UTP23: variants seen among roughly 807,000 people sequenced by gnomAD.
UTP23 encodes the protein UTP23 small subunit processome component, also known as rRNA-processing protein UTP23 homolog.
In UTP23, 10 loss-of-function variants were observed where a neutral mutation model predicts 19.8. The ratio of observed to expected loss-of-function variants is 0.50; its 90% CI spans 0.31 to 0.86. UTP23 has a LOEUF of 0.86. UTP23 is among the 40% of genes least tolerant of loss of function. The pLI is 0.05. For missense variants in UTP23, 282 were observed against 293.1 expected, an observed-to-expected ratio of 0.96 and a Z score of 0.28; for synonymous variants, 108 against 105.4, an observed-to-expected ratio of 1.02 and a Z score of -0.15.
At position 116,766,792 on chromosome 8, in the gene UTP23, G is replaced by T. The variant is rs1323277494; in HGVS notation, c.188+1G>T. The T allele has an allele frequency of 6.5e-7, 1 of 1,541,180 alleles. No individual in the cohort carries two copies. Among genetic ancestry groups the T allele is most frequent in the Admixed American group, 2.1e-5 (1 of 48,132 alleles). ...GGGAGACGCAGCTGTGCACCACAAG[G>T]TGGGCCCGGGGGGCTGGGGAGGAGG... On this transcript the variant is annotated splice_donor_variant, in intron 1 of 2. Coordinates refer to ENST00000309822, the MANE Select transcript of UTP23 (RefSeq NM_032334.3). LOFTEE classifies it high-confidence loss of function.
Position 116,773,985 on chromosome 8 carries a change from C to T in UTP23, c.*2143C>T. 1.0e-6 allele frequency: 1 copy of T among 985,226 alleles called. No homozygotes were observed. The highest frequency in any genetic ancestry group is 1.2e-6 in the Non-Finnish European group (1 of 829,886). 61.0% of individuals were successfully genotyped at this position (985,226 alleles called of 1,614,324 possible). On this transcript the variant is annotated 3_prime_UTR_variant, in exon 3 of 3. Transcript: ENST00000309822. ...ACCCCTAAAACCTCAGAATTATTTG[C>T]TTTATTTTTTCATACAACTTGGGGA...
Position 116,772,988 on chromosome 8 carries a change from G to A in UTP23, c.*1146G>A. The A allele has an allele frequency of 1.0e-6, 1 of 985,424 alleles. No individual in the cohort carries two copies. Among genetic ancestry groups the A allele is most frequent in the Non-Finnish European group, 1.2e-6 (1 of 829,924 alleles). The allele number at this position is 985,424 out of a possible 1,614,324, so 61.0% of individuals were successfully genotyped here. A position where few individuals can be genotyped will look rare whatever the true frequency, so the allele number is the denominator to read the frequency against. On this transcript the variant is annotated 3_prime_UTR_variant, in exon 3 of 3. Coordinates refer to ENST00000309822, the MANE Select transcript of UTP23 (RefSeq NM_032334.3). ...CAGTCTAACATTAGGTTATCATGAT[G>A]ACGTATGAGTAAATTCTTAATGGTT...
rs1411147947 is a variant in UTP23, at chr8:116,774,638, G to A, written c.*2796G>A. The A allele has an allele frequency of 1.3e-6, 1 of 782,334 alleles. No homozygotes were observed. The highest frequency in any genetic ancestry group is 1.5e-6 in the Non-Finnish European group (1 of 646,782). 48.5% of individuals were successfully genotyped at this position (782,334 alleles called of 1,614,324 possible). ...ATATATTCCATACGGGAATATATTA[G>A]TCATTGATGTATTTTGCCGGTAAAA... On this transcript the variant is annotated 3_prime_UTR_variant, in exon 3 of 3. Coordinates refer to ENST00000309822, the MANE Select transcript of UTP23 (RefSeq NM_032334.3).
chr8:116,770,058 T>C, intron 1 of UTP23, 134 bp from the exon 2 acceptor site: 1 of 851,670 alleles, frequency 1.2e-6, no homozygotes, highest in South Asian at 2.4e-5. Context: ...TCAAGTGATC[T>C]TTTAAAGTAA....
intron 1 of UTP23, 73 bp downstream of exon 1, chr8:116,766,864 G>A: frequency 7.3e-7 from 1 of 1,376,940 alleles, no homozygotes; most frequent in Non-Finnish European, 9.6e-7. Flanking sequence ...GTTGCTCACA[G>A]ACCTTCATTG....
intron 1 of UTP23, among the ~76,000 whole-genome samples, chr8:116,768,575 T>G (rs1815614024): frequency 6.6e-6 from 1 of 152,238 alleles, no homozygotes. Flanking sequence ...TTCTTTGGCA[T>G]GTATCTTGAA....
chr8:116,768,053 C>T (rs1177095285), intron 1 of UTP23, among the ~76,000 whole-genome samples: 6 of 152,166 alleles, frequency 3.9e-5, no homozygotes, highest in African/African-American at 1.4e-4. Flanking sequence ...AAACCCCCAT[C>T]TCTAACTACA....
intron 1 of UTP23, 91 bp downstream of exon 1, chr8:116,766,882 A>G: frequency 7.7e-7 from 1 of 1,306,004 alleles, no homozygotes; most frequent in Non-Finnish European, 1.0e-6. Flanking sequence ...TTGCGAGCTC[A>G]GGAGGTGCAA....
rs754484396 is a variant in UTP23 at position 116,770,367 on chromosome 8, G to T, written c.363+1G>T. 2 of 1,600,032 alleles carry T rather than the reference G, an allele frequency of 1.2e-6. No individual in the cohort carries two copies. The highest frequency in any genetic ancestry group is 2.7e-5 in the African/African-American group (2 of 74,868). On this transcript the variant is annotated splice_donor_variant, in intron 2 of 2. Transcript: ENST00000309822. LOFTEE classifies it high-confidence loss of function. The stretch of plus-strand genomic sequence containing the variant: ...TCATCATTATTTTGTGGCAACACAG[G>T]TGATACTACTTTTAAAACCACAGGC...
Position 116,766,608 on chromosome 8 carries a change from A to G in UTP23, c.5A>G (p.Lys2Arg). ...CTCGGTCCCGGTAAGCCAGGCATGA[A>G]GATCACAAGGCAGAAACATGCCAAG... M[K>R]ITRQKHAKKH... Residue 2 changes from lysine (K) to arginine (R), a missense_variant, in exon 1 of 3, where the codon AAG becomes AGG. Physicochemically the swap from Lys to Arg is conservative, Grantham distance 26 (BLOSUM62 2). Coordinates refer to ENST00000309822, the MANE Select transcript of UTP23 (RefSeq NM_032334.3). The G allele has an allele frequency of 1.2e-6, 2 of 1,612,300 alleles. No homozygotes were observed. The highest frequency in any genetic ancestry group is 1.7e-6 in the Non-Finnish European group (2 of 1,179,128).
rs1285928447 is a variant in UTP23, at chr8:116,772,853, T to C, written c.*1011T>C. Reference sequence around the variant, plus strand: ...GTTTTAGTCATTTATCAGGCCAAAATTAAAATGTTTTTGTACTACAAGATG... The same window carrying C: ...GTTTTAGTCATTTATCAGGCCAAAACTAAAATGTTTTTGTACTACAAGATG... On this transcript the variant is annotated 3_prime_UTR_variant, in exon 3 of 3. Coordinates refer to ENST00000309822, the MANE Select transcript of UTP23 (RefSeq NM_032334.3). 1.3e-5 allele frequency: 13 copies of C among 985,284 alleles called. No homozygotes were observed. Among genetic ancestry groups the C allele is most frequent in the Non-Finnish European group, 1.6e-5 (13 of 829,910 alleles). 61.0% of individuals were successfully genotyped at this position (985,284 alleles called of 1,614,324 possible).
In UTP23 at chr8:116,771,518, G is replaced by GAAC. The variant is rs774101891; in HGVS notation, c.428_430dup (p.Asn143dup). 2 of 1,597,104 alleles carry GAAC rather than the reference G, an allele frequency of 1.3e-6. No homozygotes were observed. The highest frequency in any genetic ancestry group is 1.7e-6 in the Non-Finnish European group (2 of 1,175,538). On this transcript the variant is annotated inframe_insertion, in exon 3 of 3. Transcript: ENST00000309822. ...GAGTTCCTCTCATGTTTATTATTCA[G>GAAC]AACACTATGGTTTTGGACAAACCTT...
chr8:116,768,593 A>AG (rs1284659144), intron 1 of UTP23, among the ~76,000 whole-genome samples: 2 of 152,222 alleles, frequency 1.3e-5, no homozygotes. Context: ...GAAAAGATAA[A>AG]GAAGGCTTTT....
Position 116,771,912 on chromosome 8 carries a change from A to T in UTP23, c.*70A>T. ...TTTTACAACTAGAAGTATTTATAAT[A>T]AAAGACCAAACTTATTTTTGTAAAT... On this transcript the variant is annotated 3_prime_UTR_variant, in exon 3 of 3. Coordinates refer to ENST00000309822, the MANE Select transcript of UTP23 (RefSeq NM_032334.3). 2 of 1,480,312 alleles carry T rather than the reference A, an allele frequency of 1.4e-6. No individual in the cohort carries two copies. The highest frequency in any genetic ancestry group is 2.5e-4 in the Middle Eastern group (1 of 4,054). The allele number at this position is 1,480,312 out of a possible 1,614,324, so 91.7% of individuals were successfully genotyped here. A position where few individuals can be genotyped will look rare whatever the true frequency, so the allele number is the denominator to read the frequency against.
chr8:116,766,556 T>G lies in UTP23; in HGVS notation c.-48T>G, dbSNP rs751570337. On this transcript the variant is annotated 5_prime_UTR_variant, in exon 1 of 3. Transcript: ENST00000309822. ...AGGGTACTGGGGCGTGCGTGAGGCG[T>G]TTACTGATGCTTCCTGGTCCGGTGG... The G allele has an allele frequency of 3.8e-6, 6 of 1,577,668 alleles. No homozygotes were observed. In the African/African-American group the frequency reaches 6.8e-5, roughly 18 times the overall value.
intron 1 of UTP23, 65 bp from the exon 2 acceptor site, chr8:116,770,127 C>T (rs1456239880): frequency 3.4e-5 from 47 of 1,391,404 alleles, no homozygotes; most frequent in Non-Finnish European, 4.2e-5. Context: ...AAGAAAAAAT[C>T]GACTATTGTT....
rs1815695809 is a variant in UTP23 at position 116,774,267 on chromosome 8, C to G, written c.*2425C>G. On this transcript the variant is annotated 3_prime_UTR_variant, in exon 3 of 3. Coordinates refer to ENST00000309822, the MANE Select transcript of UTP23 (RefSeq NM_032334.3). ...CTGTATTCTTTACATTTTTATGGCC[C>G]TACAGCTACTTCTTATCCCTGCAAG... is the stretch of plus-strand genomic sequence containing the variant. The G allele has an allele frequency of 3.0e-6, 3 of 985,130 alleles. No individual in the cohort carries two copies. In the Admixed American group the frequency reaches 1.8e-4, roughly 61 times the overall value. 61.0% of individuals were successfully genotyped at this position (985,130 alleles called of 1,614,324 possible).
rs758631618 is a variant in UTP23 at position 116,771,882 on chromosome 8, GAATTTTTTAC to G, written c.*43_*52del. On this transcript the variant is annotated 3_prime_UTR_variant, in exon 3 of 3. Transcript: ENST00000309822. ...TTCAAGGACATTCAAATGTGAAAAT[GAATTTTTTAC>G]AACTAGAAGTATTTATAATAAAAGA... The G allele has an allele frequency of 6.7e-7, 1 of 1,497,288 alleles. No homozygotes were observed. The highest frequency in any genetic ancestry group is 8.8e-7 in the Non-Finnish European group (1 of 1,130,428). 92.8% of individuals were successfully genotyped at this position (1,497,288 alleles called of 1,614,324 possible). A position where few individuals can be genotyped will look rare whatever the true frequency, so the allele number is the denominator to read the frequency against.
rs753552659 is a variant in UTP23 at position 116,770,264 on chromosome 8, A to G, written c.261A>G (p.Gln87=). Residue 87 remains glutamine (Q), a synonymous_variant, in exon 2 of 3, where the codon CAA becomes CAG. Transcript: ENST00000309822. ...CAAAACTGATTGCACAAAAATGCCAAGTTCGAAATTGTCCTCATTTCAAGA... is the reference window on the plus strand; with the variant it reads ...CAAAACTGATTGCACAAAAATGCCAGGTTCGAAATTGTCCTCATTTCAAGA... ...YGAKLIAQKC[Q]VRNCPHFKNA... The G allele has an allele frequency of 1.1e-5, 17 of 1,614,112 alleles. No homozygotes were observed. The Middle Eastern group carries it at 1.3e-3, about 125-fold the overall frequency.
Sources: gnomAD v4.1 joint callset for allele counts (sites outside exome capture counted in the v4.1 genomes callset) on GRCh38, gnomAD v4.1.1 for gene constraint, MANE v1.5 for transcripts, NCBI Gene and HGNC (gene_info 2026-07-23, HGNC 2026-07-21) for gene names.